Variants in CCNY observed in about 807,000 individuals in gnomAD.
The protein encoded by CCNY is cyclin-Y.
In CCNY, 19 loss-of-function variants were observed where a neutral mutation model predicts 42.8. The ratio of observed to expected loss-of-function variants is 0.44; its 90% CI spans 0.31 to 0.65. CCNY has a LOEUF of 0.65. Ranked by LOEUF, CCNY falls within the 30% of genes least tolerant of loss-of-function variation. The pLI, the probability that CCNY is intolerant of heterozygous loss-of-function variation, is 0.07. For missense variants in CCNY, 370 were observed against 437.3 expected (o/e 0.85, Z 1.37); for synonymous variants, 165 against 162.7 (o/e 1.01, Z -0.11).
chr10:35,279,803 C>T (rs912956415), intron 3 of CCNY, among the ~76,000 whole-genome samples: 3 of 152,160 alleles, frequency 2.0e-5, no homozygotes, highest in Non-Finnish European at 4.4e-5. Flanking sequence ...TGAGGCCTGC[C>T]AGGAAAAGCC....
At chr10:35,498,725 G>A (rs1475170499) in intron 2 of CCNY, among the ~76,000 whole-genome samples, 3 of 152,176 alleles carry the variant, frequency 2.0e-5, no homozygotes, top group African/African-American at 7.2e-5. Context: ...GAAGCAAGTC[G>A]GCCATAGAGA....
At chr10:35,446,598 C>G (rs911745734) in intron 1 of CCNY, among the ~76,000 whole-genome samples, 1 of 152,186 alleles carries the variant, frequency 6.6e-6, no homozygotes, top group Non-Finnish European at 1.5e-5. Context: ...TTGTAATAAG[C>G]TGTCATATCC....
intron 3 of CCNY, among the ~76,000 whole-genome samples, chr10:35,253,414 A>AATTTTTTTTTTTTTTTTTTTT (rs775450185): frequency 2.2e-5 from 2 of 89,036 alleles, no homozygotes; most frequent in African/African-American, 4.7e-5. Flanking sequence ...CATGCTCACT[A>AATTTTTTTTTTTTTTTTTTTT]TTTTTTTTTT....
intron 1 of CCNY, among the ~76,000 whole-genome samples, chr10:35,359,149 A>T (rs1349898265): frequency 6.6e-6 from 1 of 152,180 alleles, no homozygotes; most frequent in Non-Finnish European, 1.5e-5. Flanking sequence ...AGTGTGACTG[A>T]TGTCTCCACA....
chr10:35,413,225 G>A (rs1837951929), intron 1 of CCNY, among the ~76,000 whole-genome samples: 2 of 152,164 alleles, frequency 1.3e-5, no homozygotes, highest in Non-Finnish European at 1.5e-5. Flanking sequence ...CTGAAGGAAG[G>A]TAGGAAAAGG....
upstream of CCNY, chr10:35,336,385 C>A (rs544757030): frequency 1.3e-5 from 2 of 152,154 alleles, no homozygotes; most frequent in East Asian, 1.9e-4. Flanking sequence ...CCGCGCGGGG[C>A]TGCGCCGCCC....
At chr10:35,444,320 T>C (rs2135301566) in intron 1 of CCNY, among the ~76,000 whole-genome samples, 1 of 151,582 alleles carries the variant, frequency 6.6e-6, no homozygotes, top group Non-Finnish European at 1.5e-5. Flanking sequence ...TGATCTTGGC[T>C]CACTGCAACC....
At chr10:35,400,804 G>C (rs1044455909) in intron 1 of CCNY, among the ~76,000 whole-genome samples, 8 of 152,192 alleles carry the variant, frequency 5.3e-5, no homozygotes, top group Non-Finnish European at 1.2e-4. Context: ...TTTTGGAATG[G>C]AATGGTTGCT....
intron 5 of CCNY, among the ~76,000 whole-genome samples, chr10:35,527,480 T>G (rs1312529933): frequency 2.0e-5 from 3 of 152,202 alleles, no homozygotes; most frequent in Admixed American, 2.0e-4. Context: ...ACTGCTCTGG[T>G]CAGTTCTTTA....
rs961382578 is a variant in CCNY, at chr10:35,496,588, T to TG, written c.230-4907dup. On this transcript the variant is annotated intron_variant, in intron 2 of 9. Coordinates refer to ENST00000374704, the MANE Select transcript of CCNY (RefSeq NM_145012.6). ...GCTCATACCTGTAATCCCAAAACTT[T>TG]GGGGGGTGCTGAGACAGGAGGATTG... Among the ~76,000 whole-genome samples, 8 of 152,124 alleles carry TG rather than the reference T, an allele frequency of 5.3e-5. No homozygotes were observed. In the East Asian group the frequency reaches 5.8e-4, roughly 11 times the overall value.
At chr10:35,482,748 A>T (rs867009971) in intron 1 of CCNY, among the ~76,000 whole-genome samples, 1 of 77,418 alleles carries the variant, frequency 1.3e-5, no homozygotes, top group Non-Finnish European at 2.9e-5. Flanking sequence ...AGCTGGAAAT[A>T]GGTGTGTGTG....
intron 1 of CCNY, among the ~76,000 whole-genome samples, chr10:35,456,314 G>C (rs1839034505): frequency 6.6e-6 from 1 of 152,096 alleles, no homozygotes; most frequent in Non-Finnish European, 1.5e-5. Flanking sequence ...CACTCACATG[G>C]AACAAAAAAG....
chr10:35,362,996 C>A (rs911745344), intron 1 of CCNY, among the ~76,000 whole-genome samples: 8 of 145,786 alleles, frequency 5.5e-5, no homozygotes, highest in African/African-American at 7.7e-5. Flanking sequence ...GGCGGCCGGG[C>A]GGAGACGCTC....
At chr10:35,540,862 T>A (rs1840985256) in intron 7 of CCNY, among the ~76,000 whole-genome samples, 1 of 152,222 alleles carries the variant, frequency 6.6e-6, no homozygotes, top group Non-Finnish European at 1.5e-5. Context: ...GTCTATAATG[T>A]CCTCTGTTTT....
At chr10:35,433,211 A>T (rs1838452198) in intron 1 of CCNY, among the ~76,000 whole-genome samples, 1 of 152,150 alleles carries the variant, frequency 6.6e-6, no homozygotes, top group Non-Finnish European at 1.5e-5. Context: ...TACTACCTGT[A>T]AACTAAGGTG....
At chr10:35,386,619 C>T (rs1404264662) in intron 1 of CCNY, among the ~76,000 whole-genome samples, 3 of 152,084 alleles carry the variant, frequency 2.0e-5, no homozygotes, top group Non-Finnish European at 4.4e-5. Context: ...CTCGGGAGTC[C>T]ACATGGTGGT....
chr10:35,295,836 T>G (rs1256046766), intron 3 of CCNY, among the ~76,000 whole-genome samples: 1 of 152,252 alleles, frequency 6.6e-6, no homozygotes, highest in East Asian at 1.9e-4. Context: ...TTTTTAAGGC[T>G]GAATAATATT....
intron 1 of CCNY, among the ~76,000 whole-genome samples, chr10:35,352,162 A>T (rs180941297): frequency 6.6e-6 from 1 of 152,244 alleles, no homozygotes; most frequent in Admixed American, 6.5e-5. Context: ...TGTATTTAAA[A>T]TTTTTTTCAG....
At chr10:35,308,826 C>T (rs1303088229) in intron 3 of CCNY, among the ~76,000 whole-genome samples, 1 of 152,068 alleles carries the variant, frequency 6.6e-6, no homozygotes, top group Non-Finnish European at 1.5e-5. Flanking sequence ...AAAAAGGAAA[C>T]AGTGAAGTCT....
Sources: gnomAD v4.1 joint callset for allele counts (sites outside exome capture counted in the v4.1 genomes callset) on GRCh38, gnomAD v4.1.1 for gene constraint, MANE v1.5 for transcripts, NCBI Gene and HGNC (gene_info 2026-07-23, HGNC 2026-07-21) for gene names.